Variants in PID1 observed in about 807,000 individuals in gnomAD.
PID1 encodes phosphotyrosine interaction domain containing 1, also known as PTB-containing, cubilin and LRP1-interacting protein.
In PID1, 10 loss-of-function variants were observed where a neutral mutation model predicts 19.1. The ratio of observed to expected loss-of-function variants is 0.52; its 90% CI spans 0.32 to 0.89. The LOEUF (loss-of-function observed/expected upper bound fraction) is 0.89. Among genes scored for constraint, PID1 ranks in the 40% least tolerant of loss-of-function variants. The pLI, the probability that PID1 is intolerant of heterozygous loss-of-function variation, is 0.03. For missense variants in PID1, 248 were observed against 285.3 expected, an observed-to-expected ratio of 0.87 and a Z score of 0.94; for synonymous variants, 130 against 116.0, an observed-to-expected ratio of 1.12 and a Z score of -0.78.
At chr2:229,150,569 C>T (rs1368990583) in intron 2 of PID1, among the ~76,000 whole-genome samples, 2 of 152,138 alleles carry the variant, frequency 1.3e-5, no homozygotes, top group Non-Finnish European at 1.5e-5. Flanking sequence ...GGGTTACTTC[C>T]CTTTTGTAAC....
At chr2:229,070,704 C>T (rs1372754388) in intron 2 of PID1, among the ~76,000 whole-genome samples, 2 of 152,238 alleles carry the variant, frequency 1.3e-5, no homozygotes, top group East Asian at 3.9e-4. Context: ...GCATCAAAAG[C>T]AGCTACAGAA....
At chr2:229,078,930 A>C (rs1269685346) in intron 2 of PID1, among the ~76,000 whole-genome samples, 1 of 152,216 alleles carries the variant, frequency 6.6e-6, no homozygotes, top group Non-Finnish European at 1.5e-5. Flanking sequence ...AGGAAAATGG[A>C]AAAGAATGCT....
intron 1 of PID1, among the ~76,000 whole-genome samples, chr2:229,168,155 A>G (rs1401014223): frequency 6.6e-6 from 1 of 152,064 alleles, no homozygotes; most frequent in Admixed American, 6.6e-5. Flanking sequence ...TTGTTTCAGT[A>G]TTTGTCATGT....
intron 1 of PID1, among the ~76,000 whole-genome samples, chr2:229,236,078 AGAT>A (rs758212869): frequency 1.3e-4 from 20 of 152,176 alleles, no homozygotes; most frequent in Non-Finnish European, 5.9e-5. Context: ...CATCACCCGA[AGAT>A]GATCTGTTGA....
chr2:229,201,184 A>G (rs561220239), intron 1 of PID1, among the ~76,000 whole-genome samples: 2 of 152,212 alleles, frequency 1.3e-5, no homozygotes, highest in South Asian at 4.1e-4. Context: ...GGTATTAAGT[A>G]CATTCAAATT....
At chr2:229,231,016 C>T (rs956579460) in intron 1 of PID1, among the ~76,000 whole-genome samples, 1 of 152,008 alleles carries the variant, frequency 6.6e-6, no homozygotes, top group Non-Finnish European at 1.5e-5. Context: ...TTTTTAATGG[C>T]AAGGCATGTC....
chr2:229,096,278 C>T (rs1694969299), intron 2 of PID1, among the ~76,000 whole-genome samples: 1 of 152,102 alleles, frequency 6.6e-6, no homozygotes, highest in African/African-American at 2.4e-5. Context: ...ACAATGCTAC[C>T]ATTTGCTAAT....
intron 1 of PID1, among the ~76,000 whole-genome samples, chr2:229,243,723 C>G (rs1689932692): frequency 6.6e-6 from 1 of 152,060 alleles, no homozygotes; most frequent in South Asian, 2.1e-4. Context: ...CCCAAGGGAA[C>G]TAATCAAATA....
chr2:229,164,042 T>C lies in PID1; in HGVS notation c.31-8078A>G, dbSNP rs868526581. Among the ~76,000 whole-genome samples, 31 of 152,336 alleles carry C rather than the reference T, an allele frequency of 2.0e-4. No individual in the cohort carries two copies. In the South Asian group the frequency reaches 3.1e-3, roughly 15 times the overall value. On this transcript the variant is annotated intron_variant, in intron 1 of 2. Coordinates refer to ENST00000392055, the MANE Select transcript of PID1 (RefSeq NM_001100818.2). ...TGCAAAAGGAACATTCCCTCATGGTTAACAATTAGCTCCAGCTGACTGTTG... is the reference window on the plus strand; with the variant it reads ...TGCAAAAGGAACATTCCCTCATGGTCAACAATTAGCTCCAGCTGACTGTTG...
At chr2:229,189,714 C>G (rs1413181476) in intron 1 of PID1, among the ~76,000 whole-genome samples, 2 of 152,048 alleles carry the variant, frequency 1.3e-5, no homozygotes, top group Non-Finnish European at 2.9e-5. Flanking sequence ...AAAAAAGAAG[C>G]CTCAAATGGC....
chr2:229,113,199 C>T (rs2536217), intron 2 of PID1, among the ~76,000 whole-genome samples: 84,307 of 151,558 alleles, frequency 0.56, 24,444 homozygotes, highest in Admixed American at 0.65. Context: ...AGCAAGTTAC[C>T]GCGAACTCCT....
intron 2 of PID1, among the ~76,000 whole-genome samples, chr2:229,135,994 A>G (rs1689851385): frequency 6.6e-6 from 1 of 152,200 alleles, no homozygotes; most frequent in African/African-American, 2.4e-5. Flanking sequence ...CTTGAGTATA[A>G]GATGGATTTG....
chr2:229,180,722 G>A (rs941106747), intron 1 of PID1, among the ~76,000 whole-genome samples: 3 of 152,158 alleles, frequency 2.0e-5, no homozygotes, highest in Non-Finnish European at 4.4e-5. Context: ...ATGACTTAAC[G>A]GCTGATTGAC....
At chr2:229,225,470 G>GGT (rs1559293028) in intron 1 of PID1, among the ~76,000 whole-genome samples, 1 of 152,002 alleles carries the variant, frequency 6.6e-6, no homozygotes, top group Non-Finnish European at 1.5e-5. Flanking sequence ...AAGACATAAG[G>GGT]GTGTTATTTA....
chr2:229,269,283 C>A (rs1432988309), intron 1 of PID1, among the ~76,000 whole-genome samples: 1 of 152,224 alleles, frequency 6.6e-6, no homozygotes, highest in Non-Finnish European at 1.5e-5. Flanking sequence ...CAGGCTCACG[C>A]CAAAATGCAC....
intron 1 of PID1, among the ~76,000 whole-genome samples, chr2:229,219,051 A>C (rs1277431076): frequency 6.6e-6 from 1 of 152,188 alleles, no homozygotes; most frequent in Admixed American, 6.5e-5. Context: ...ATTAACCCTC[A>C]GCCCAAGCTT....
chr2:229,210,545 A>AAAAG, intron 1 of PID1, among the ~76,000 whole-genome samples: 1 of 148,310 alleles, frequency 6.7e-6, no homozygotes, highest in Non-Finnish European at 1.5e-5. Context: ...AAAAAAAAAA[A>AAAAG]AAAAAAAAAC....
chr2:229,227,250 T>G (rs576801584), intron 1 of PID1, among the ~76,000 whole-genome samples: 32 of 152,328 alleles, frequency 2.1e-4, no homozygotes, highest in African/African-American at 7.5e-4. Flanking sequence ...AAATTTAAAT[T>G]TACTAAAGCT....
intron 1 of PID1, among the ~76,000 whole-genome samples, chr2:229,181,400 T>A (rs564797107): frequency 4.0e-5 from 6 of 151,652 alleles, no homozygotes; most frequent in Admixed American, 2.6e-4. Flanking sequence ...AAAAAAGATA[T>A]AGCTCAGGTC....
Sources: allele counts gnomAD v4.1 joint callset (sites outside exome capture counted in the v4.1 genomes callset), GRCh38; gene constraint gnomAD v4.1.1; transcripts MANE v1.5; gene names NCBI Gene and HGNC (gene_info 2026-07-23, HGNC 2026-07-21).